CYB5D2: variants seen among roughly 807,000 people sequenced by gnomAD.
The protein encoded by CYB5D2 is cytochrome b5 domain containing 2, also known as neuferricin.
A neutral mutation model predicts 22.8 loss-of-function variants in CYB5D2; 23 were observed. That is an observed-to-expected ratio of 1.01 (90% CI 0.73 to 1.43). The LOEUF (loss-of-function observed/expected upper bound fraction) is 1.43, where lower values mean the gene tolerates loss of function less well. CYB5D2 is among the 40% of genes most tolerant of loss of function. The pLI is 0.00. For synonymous variants in CYB5D2, 170 were observed against 152.2 expected (o/e 1.12, Z -0.86); for missense variants, 373 against 357.2 (o/e 1.04, Z -0.36).
Position 4,143,940 on chromosome 17 carries a change from G to T in CYB5D2, c.185G>T (p.Arg62Leu). The change falls in exon 1 of 4, where the codon CGT becomes CTT. Residue 62 changes from arginine (R) to leucine (L), a missense_variant. Arg to Leu is a moderately radical substitution (Grantham distance 102). Transcript: ENST00000301391. ...GGCCTGTACTTGGCGTTGCTCGGCCGTGTCTACGATGTGTCCTCCGGCCGG... is the reference window on the plus strand; with the variant it reads ...GGCCTGTACTTGGCGTTGCTCGGCCTTGTCTACGATGTGTCCTCCGGCCGG... ...DPGLYLALLG[R>L]VYDVSSGRRH... 1 of 1,613,534 alleles carries T rather than the reference G, an allele frequency of 6.2e-7. No homozygotes were observed. The highest frequency in any genetic ancestry group is 8.5e-7 in the Non-Finnish European group (1 of 1,180,014).
At position 4,157,604 on chromosome 17, in the gene CYB5D2, A is replaced by C. The variant is rs772771865; in HGVS notation, c.*522A>C. 1 of 156,744 alleles carries C rather than the reference A, an allele frequency of 6.4e-6. No individual in the cohort carries two copies. The highest frequency in any genetic ancestry group is 6.3e-5 in the Admixed American group (1 of 15,844). The allele number at this position is 156,744 out of a possible 1,614,324, so 9.7% of individuals were successfully genotyped here. A position where few individuals can be genotyped will look rare whatever the true frequency, so the allele number is the denominator to read the frequency against. ...TCAGGTGTGGTGTGTTTTCAAAGGC[A>C]GAAGTCTGCATTTTGAGCAAAAGGT... On this transcript the variant is annotated 3_prime_UTR_variant, in exon 4 of 4. Coordinates refer to ENST00000301391, the MANE Select transcript of CYB5D2 (RefSeq NM_144611.4). The surrounding 1 kb of genome is among the most constrained non-coding windows in gnomAD (Gnocchi z 4.4).
In CYB5D2 at chr17:4,149,952, C is replaced by T. The variant is rs774234123; in HGVS notation, c.312C>T (p.Asp104=). Residue 104 remains aspartate, a synonymous_variant, in exon 2 of 4, where the codon GAC becomes GAT. Coordinates refer to ENST00000301391, the MANE Select transcript of CYB5D2 (RefSeq NM_144611.4). ...GTTCTGAAGCAGGCCTCGTGGATGA[C>T]GTATCCGACCTGTCAGCCGCTGAGA... ...GDCSEAGLVD[D]VSDLSAAEML... is the part of the protein sequence containing the mutation. 1.1e-5 allele frequency: 18 copies of T among 1,614,034 alleles called. No individual in the cohort carries two copies. The highest frequency in any genetic ancestry group is 1.6e-4 in the Middle Eastern group (1 of 6,080).
rs1429773555 is a variant in CYB5D2 at position 4,154,922 on chromosome 17, G to A, written c.578+62G>A. On this transcript the variant is annotated intron_variant, in intron 3 of 3. Coordinates refer to ENST00000301391, the MANE Select transcript of CYB5D2 (RefSeq NM_144611.4). The stretch of plus-strand genomic sequence containing the variant: ...CCAAATCCAACTCCTAGGCCATCCT[G>A]CCTGCAGTATTCAGTGAATTCAGGA... The A allele has an allele frequency of 4.6e-6, 7 of 1,509,108 alleles. No homozygotes were observed. The South Asian group carries it at 9.0e-5, about 19-fold the overall frequency. 93.5% of individuals were successfully genotyped at this position (1,509,108 alleles called of 1,614,324 possible).
At chr17:4,144,037 C>T (rs1350736375) in intron 1 of CYB5D2, 32 bp downstream of exon 1, 2 of 1,550,088 alleles carry the variant, frequency 1.3e-6, no homozygotes, top group Admixed American at 2.0e-5. Context: ...CCTTTCTCTC[C>T]GCTGGCGCGA....
chr17:4,148,543 A>T (rs528923255), intron 1 of CYB5D2, among the ~76,000 whole-genome samples: 1 of 148,248 alleles, frequency 6.7e-6, no homozygotes, highest in Non-Finnish European at 1.5e-5. Context: ...AAAAATGGGG[A>T]ACTGCATTCC....
chr17:4,147,165 G>A (rs1230228933), intron 1 of CYB5D2, among the ~76,000 whole-genome samples: 3 of 152,178 alleles, frequency 2.0e-5, no homozygotes, highest in Admixed American at 2.0e-4. Context: ...CAGCTACTTG[G>A]GAGTTGGAGA....
At chr17:4,150,059 A>C (rs1158005915) in intron 2 of CYB5D2, 28 bp downstream of exon 2, 2 of 1,612,488 alleles carry the variant, frequency 1.2e-6, no homozygotes, top group Non-Finnish European at 1.7e-6. Context: ...CATACATTTC[A>C]TTTGGTTGTC....
In CYB5D2 at chr17:4,143,606, AG is replaced by A. The variant is rs2058919764; in HGVS notation, c.-149del. Reference sequence around the variant, plus strand: ...CAGTGCCAGGAATACAGATAAAACGAGAGAGACTAAGGGAGGGAGCGCGAGC... The same window carrying A: ...CAGTGCCAGGAATACAGATAAAACGAAGAGACTAAGGGAGGGAGCGCGAGC... On this transcript the variant is annotated 5_prime_UTR_variant, in exon 1 of 4. Transcript: ENST00000301391. The A allele has an allele frequency of 6.3e-6, 7 of 1,113,330 alleles. No homozygotes were observed. In the Admixed American group the frequency reaches 1.7e-4, roughly 28 times the overall value. 69.0% of individuals were successfully genotyped at this position (1,113,330 alleles called of 1,614,324 possible). A position where few individuals can be genotyped will look rare whatever the true frequency, so the allele number is the denominator to read the frequency against.
At chr17:4,152,967 A>G (rs1400520653) in intron 2 of CYB5D2, among the ~76,000 whole-genome samples, 4 of 152,038 alleles carry the variant, frequency 2.6e-5, no homozygotes, top group Non-Finnish European at 5.9e-5. Flanking sequence ...TAGTAGAGAC[A>G]GGGTTTCACC....
At chr17:4,156,798 C>T (rs1567892420) in intron 3 of CYB5D2, 68 bp from the exon 4 acceptor site, 1 of 1,542,240 alleles carries the variant, frequency 6.5e-7, no homozygotes, top group Non-Finnish European at 8.8e-7. Context: ...TCTCTGCTTC[C>T]TGCTCTCCCC....
At chr17:4,154,619 T>C in intron 2 of CYB5D2, 55 bp from the exon 3 acceptor site, 1 of 1,566,772 alleles carries the variant, frequency 6.4e-7, no homozygotes, top group Non-Finnish European at 8.7e-7. Context: ...TTCCCACACC[T>C]GCCTCAGCAG....
chr17:4,143,566 C>A lies in CYB5D2; in HGVS notation c.-190C>A. On this transcript the variant is annotated 5_prime_UTR_variant, in exon 1 of 4. Coordinates refer to ENST00000301391, the MANE Select transcript of CYB5D2 (RefSeq NM_144611.4). Reference sequence around the variant, plus strand: ...AAAAGTACCTGGAAAAAGTCGCAGACAGCGAGCTTTTCGCCAGTGCCAGGA... The same window carrying A: ...AAAAGTACCTGGAAAAAGTCGCAGAAAGCGAGCTTTTCGCCAGTGCCAGGA... The A allele has an allele frequency of 2.8e-6, 2 of 701,776 alleles. No homozygotes were observed. Among genetic ancestry groups the A allele is most frequent in the Non-Finnish European group, 2.2e-6 (1 of 455,594 alleles). The allele number at this position is 701,776 out of a possible 1,614,324, so 43.5% of individuals were successfully genotyped here.
At chr17:4,145,749 T>A (rs2058983213) in intron 1 of CYB5D2, among the ~76,000 whole-genome samples, 1 of 152,212 alleles carries the variant, frequency 6.6e-6, no homozygotes, top group Non-Finnish European at 1.5e-5. Context: ...TATTTCTCAT[T>A]GAGATGTAAT....
intron 3 of CYB5D2, among the ~76,000 whole-genome samples, chr17:4,155,548 C>T (rs1372188802): frequency 2.6e-5 from 4 of 152,186 alleles, no homozygotes; most frequent in African/African-American, 4.8e-5. Context: ...CTTTCCTGGC[C>T]GCTAGCTTTG....
At chr17:4,144,847 CCT>C (rs2058965672) in intron 1 of CYB5D2, among the ~76,000 whole-genome samples, 1 of 151,962 alleles carries the variant, frequency 6.6e-6, no homozygotes, top group Non-Finnish European at 1.5e-5. Context: ...AGTGCAGTGG[CCT>C]GATCTCGGCT....
chr17:4,144,143 G>C, intron 1 of CYB5D2, 138 bp downstream of exon 1: 1 of 1,262,056 alleles, frequency 7.9e-7, no homozygotes, highest in Non-Finnish European at 1.1e-6. Flanking sequence ...CGGTGGGCGG[G>C]ACGAGCTGCA....
chr17:4,155,406 T>G (rs1229316413), intron 3 of CYB5D2, among the ~76,000 whole-genome samples: 2 of 152,060 alleles, frequency 1.3e-5, no homozygotes, highest in African/African-American at 4.8e-5. Context: ...TCGCTTGAGC[T>G]CAGGAGTTGG....
Position 4,157,336 on chromosome 17 carries a change from T to C in CYB5D2, c.*254T>C. 1.8e-6 allele frequency: 1 copy of C among 549,228 alleles called. No individual in the cohort carries two copies. The highest frequency in any genetic ancestry group is 3.3e-6 in the Non-Finnish European group (1 of 305,756). 34.0% of individuals were successfully genotyped at this position (549,228 alleles called of 1,614,324 possible). ...CCCTTTGACCTACTGGCCATCTTCC[T>C]CACAGCCCTCAGATATCAACGGGCA... On this transcript the variant is annotated 3_prime_UTR_variant, in exon 4 of 4. Transcript: ENST00000301391. This position sits in a 1 kb window ranked among gnomAD's most constrained non-coding sequence, Gnocchi z 4.4.
Position 4,154,776 on chromosome 17 carries a change from A to T in CYB5D2, c.494A>T (p.Gln165Leu). Residue 165 changes from glutamine to leucine, a missense_variant, in exon 3 of 4, where the codon CAG becomes CTG. Coordinates refer to ENST00000301391, the MANE Select transcript of CYB5D2 (RefSeq NM_144611.4). The stretch of plus-strand genomic sequence containing the variant: ...AGAGGCTTGGAGGCCAACAAACTAC[A>T]GCTGCAAGAGAAGCAGACATTCCCG... ...ITRGLEANKL[Q>L]LQEKQTFPPC... 6.2e-7 allele frequency: 1 copy of T among 1,614,212 alleles called. No individual in the cohort carries two copies. Among genetic ancestry groups the T allele is most frequent in the Non-Finnish European group, 8.5e-7 (1 of 1,180,022 alleles).
Sources: allele counts gnomAD v4.1 joint callset (sites outside exome capture counted in the v4.1 genomes callset), GRCh38; gene constraint gnomAD v4.1.1; non-coding constraint Gnocchi (gnomAD v3.1); transcripts MANE v1.5; gene names NCBI Gene and HGNC (gene_info 2026-07-23, HGNC 2026-07-21).